Variants in BRAF observed in about 807,000 individuals in gnomAD.
BRAF encodes the protein serine/threonine-protein kinase B-raf.
BRAF carries 16 observed loss-of-function variants against 104.6 expected under a neutral mutation model. That is an observed-to-expected ratio of 0.15 (90% CI 0.10 to 0.23). The LOEUF is 0.23. BRAF is among the 10% of genes least tolerant of loss of function. The pLI, the probability that BRAF is intolerant of heterozygous loss-of-function variation, is 1.00. For missense variants in BRAF, 541 were observed against 937.3 expected (o/e 0.58, Z 5.52); for synonymous variants, 310 against 341.6 (o/e 0.91, Z 1.02).
rs572490007 is a variant in BRAF at position 140,875,478 on chromosome 7, C to A, written c.139-25266G>T. Among the ~76,000 whole-genome samples, 4 of 152,202 alleles carry A rather than the reference C, an allele frequency of 2.6e-5. No homozygotes were observed. The South Asian group carries it at 8.3e-4, about 31-fold the overall frequency. On this transcript the variant is annotated intron_variant, in intron 1 of 19. Coordinates refer to ENST00000644969, the MANE Select transcript of BRAF (RefSeq NM_001374258.1). ...GCAACCTCCGCCTCCCGGGCTCAAG[C>A]GATTTTCCTGCCTCAGCCTTCCTAG...
At chr7:140,753,453 ATGAAGAGTTTAG>A in intron 15 of BRAF, 60 bp from the exon 15 acceptor site, 1 of 1,121,100 alleles carries the variant, frequency 8.9e-7, no homozygotes, top group Non-Finnish European at 1.4e-6. Flanking sequence ...AGCAAGCATT[ATGAAGAGTTTAG>A]GTAAGAGATC....
intron 1 of BRAF, among the ~76,000 whole-genome samples, chr7:140,900,396 G>A (rs1027209013): frequency 6.6e-6 from 1 of 152,094 alleles, no homozygotes; most frequent in African/African-American, 2.4e-5. Context: ...TAACCTACAA[G>A]AAATTGATTT....
At chr7:140,773,262 C>T (rs1484645805) in intron 14 of BRAF, 1 of 152,138 alleles carries the variant, frequency 6.6e-6, no homozygotes, top group Non-Finnish European at 1.5e-5. Context: ...AAGTGAGGGA[C>T]TTACAAGCTG....
chr7:140,761,787 C>A (rs568902277), intron 14 of BRAF, among the ~76,000 whole-genome samples: 314 of 152,114 alleles, frequency 2.1e-3, no homozygotes, highest in African/African-American at 6.5e-3. Context: ...CAAAAGAGAC[C>A]AAGAAGGCCA....
At chr7:140,743,329 T>C (rs1797083616) in intron 17 of BRAF, among the ~76,000 whole-genome samples, 2 of 151,768 alleles carry the variant, frequency 1.3e-5, no homozygotes, top group South Asian at 4.2e-4. Flanking sequence ...AACCCAAATG[T>C]CCATCAATGA....
At chr7:140,780,930 T>C (rs907251619) in intron 12 of BRAF, 1 of 152,254 alleles carries the variant, frequency 6.6e-6, no homozygotes, top group Non-Finnish European at 1.5e-5. Flanking sequence ...GCCACTTATA[T>C]TTCTTTGTTA....
intron 3 of BRAF, among the ~76,000 whole-genome samples, chr7:140,816,182 C>T (rs1000565735): frequency 3.3e-5 from 5 of 152,180 alleles, no homozygotes; most frequent in African/African-American, 1.2e-4. Flanking sequence ...TCTACCTCAT[C>T]AAGTTGCTAT....
At chr7:140,829,382 T>C (rs1020461885) in intron 3 of BRAF, among the ~76,000 whole-genome samples, 2 of 151,364 alleles carry the variant, frequency 1.3e-5, no homozygotes, top group African/African-American at 2.4e-5. Context: ...TTGATTCTGA[T>C]AGAATTTACT....
At chr7:140,921,596 C>G (rs552523785) in intron 1 of BRAF, among the ~76,000 whole-genome samples, 1 of 151,860 alleles carries the variant, frequency 6.6e-6, no homozygotes, top group Non-Finnish European at 1.5e-5. Flanking sequence ...TTTTAAAATA[C>G]AAAACTACAT....
chr7:140,726,086 C>T lies in BRAF; in HGVS notation c.*408G>A. The T allele has an allele frequency of 9.2e-7, 1 of 1,086,026 alleles. No homozygotes were observed. The highest frequency in any genetic ancestry group is 1.1e-6 in the Non-Finnish European group (1 of 893,234). 67.3% of individuals were successfully genotyped at this position (1,086,026 alleles called of 1,614,324 possible). A position where few individuals can be genotyped will look rare whatever the true frequency, so the allele number is the denominator to read the frequency against. On this transcript the variant is annotated 3_prime_UTR_variant, in exon 20 of 20. Coordinates refer to ENST00000644969, the MANE Select transcript of BRAF (RefSeq NM_001374258.1). ...GAACGATGCTTGGTGATTGAAACTG[C>T]CCCATCAGATGATCAGCCACAAATT...
chr7:140,797,578 T>C (rs542352668), intron 7 of BRAF, among the ~76,000 whole-genome samples: 106 of 152,320 alleles, frequency 7.0e-4, no homozygotes, highest in African/African-American at 2.3e-3. Flanking sequence ...ATCTTATCAT[T>C]TGCTCAAGAT....
rs561401122 is a variant in BRAF, at chr7:140,854,095, A to C, written c.139-3883T>G. On this transcript the variant is annotated intron_variant, in intron 1 of 19. Coordinates refer to ENST00000644969, the MANE Select transcript of BRAF (RefSeq NM_001374258.1). ...ATCAATCCTCCCACCCCAGACTCCC[A>C]AGTAGTTGGGACTACAGGCACGCAG... is the stretch of plus-strand genomic sequence containing the variant. Among the ~76,000 whole-genome samples the C allele has an allele frequency of 2.9e-3, 437 of 152,240 alleles. 1 individual carries two copies. Among genetic ancestry groups the C allele is most frequent in the Non-Finnish European group, 4.2e-3 (285 of 67,990 alleles).
intron 12 of BRAF, among the ~76,000 whole-genome samples, chr7:140,778,805 A>G (rs141702780): frequency 6.6e-6 from 1 of 152,292 alleles, no homozygotes; most frequent in Admixed American, 6.5e-5. Flanking sequence ...AAATTGGTAC[A>G]ACTACTTTGT....
At chr7:140,859,119 T>C (rs957202236) in intron 1 of BRAF, among the ~76,000 whole-genome samples, 1 of 152,156 alleles carries the variant, frequency 6.6e-6, no homozygotes, top group Non-Finnish European at 1.5e-5. Flanking sequence ...AACAAAAGAT[T>C]CCCAAAACTT....
downstream of BRAF, among the ~76,000 whole-genome samples, chr7:140,717,505 C>G (rs1193981043): frequency 6.6e-6 from 1 of 152,134 alleles, no homozygotes; most frequent in Non-Finnish European, 1.5e-5. Context: ...ACTTTAGCCT[C>G]CCAAAGTGCT....
At chr7:140,898,826 A>G (rs2129126401) in intron 1 of BRAF, among the ~76,000 whole-genome samples, 1 of 151,960 alleles carries the variant, frequency 6.6e-6, no homozygotes, top group South Asian at 2.1e-4. Context: ...TAAACAATAC[A>G]GTTAACTGCA....
intron 8 of BRAF, among the ~76,000 whole-genome samples, chr7:140,790,019 T>C (rs925427805): frequency 2.0e-5 from 3 of 152,214 alleles, no homozygotes; most frequent in Non-Finnish European, 4.4e-5. Context: ...TGTGAGCCAC[T>C]GCACCCAGCC....
At chr7:140,749,041 T>C (rs1797576086) in intron 17 of BRAF, 1 of 461,094 alleles carries the variant, frequency 2.2e-6, no homozygotes, top group East Asian at 4.1e-5. Context: ...TCCATTCTTG[T>C]AACTGTAGTT....
chr7:140,872,245 T>TAAATAAATAAATA lies in BRAF; in HGVS notation c.139-22034_139-22033insTATTTATTTATTT, dbSNP rs1219233574. Among the ~76,000 whole-genome samples, 318 of 127,432 alleles carry TAAATAAATAAATA rather than the reference T, an allele frequency of 2.5e-3. 1 individual carries two copies. The highest frequency in any genetic ancestry group is 6.9e-3 in the South Asian group (30 of 4,342). The allele number at this position is 127,432 out of a possible 152,430, so 83.6% of individuals were successfully genotyped here. ...TAAATAAATAAATAAATAAATAAAT[T>TAAATAAATAAATA]GCACAGAACAAGCTTGAAATTTAAA... On this transcript the variant is annotated intron_variant, in intron 1 of 19. Transcript: ENST00000644969.
Sources: gnomAD v4.1 joint callset for allele counts (sites outside exome capture counted in the v4.1 genomes callset) on GRCh38, gnomAD v4.1.1 for gene constraint, MANE v1.5 for transcripts, NCBI Gene and HGNC (gene_info 2026-07-23, HGNC 2026-07-21) for gene names.